The following TTC23L variants were observed in gnomAD, a reference collection of about 807,000 sequenced individuals.
TTC23L encodes the protein tetratricopeptide repeat domain 23 like.
In TTC23L, 42 loss-of-function variants were observed where a neutral mutation model predicts 48.1. That is an observed-to-expected ratio of 0.87 (90% CI 0.68 to 1.13). The LOEUF is 1.13. Ranked by LOEUF, TTC23L falls within the 50% of genes most tolerant of loss-of-function variation. The pLI is 0.00. For missense variants in TTC23L, 391 were observed against 421.0 expected (o/e 0.93, Z 0.62); for synonymous variants, 159 against 157.2 (o/e 1.01, Z -0.09).
intron 8 of TTC23L, among the ~76,000 whole-genome samples, chr5:34,876,844 G>T (rs1172872899): frequency 1.3e-5 from 2 of 152,004 alleles, no homozygotes; most frequent in South Asian, 2.1e-4. Context: ...GTCGGGGGCT[G>T]GGGGGCTGGG....
At chr5:34,895,141 C>T (rs1007051470) in intron 9 of TTC23L, among the ~76,000 whole-genome samples, 1 of 152,170 alleles carries the variant, frequency 6.6e-6, no homozygotes, top group Admixed American at 6.5e-5. Flanking sequence ...CCCCTTCCTT[C>T]CATTACTGGA....
At chr5:34,911,617 G>A in the TTC23L span, 1 of 1,614,100 alleles carries the variant, frequency 6.2e-7, no homozygotes, top group Non-Finnish European at 8.5e-7. Context: ...ATCCAATTCA[G>A]AAAATGCTTC....
chr5:34,859,273 C>G (rs1449626272), intron 4 of TTC23L, among the ~76,000 whole-genome samples: 1 of 152,188 alleles, frequency 6.6e-6, no homozygotes, highest in East Asian at 1.9e-4. Context: ...GATCAAAACA[C>G]TTTCTCAGTT....
At chr5:34,885,581 CAATAAATA>C (rs762377103) in intron 9 of TTC23L, among the ~76,000 whole-genome samples, 2 of 151,770 alleles carry the variant, frequency 1.3e-5, no homozygotes, top group Non-Finnish European at 2.9e-5. Flanking sequence ...CCCATTTCTA[CAATAAATA>C]AATAAATAAA....
At chr5:34,867,615 G>A (rs180680588) in intron 7 of TTC23L, 1 of 157,134 alleles carries the variant, frequency 6.4e-6, no homozygotes, top group African/African-American at 2.4e-5. Context: ...TATTATATTA[G>A]GGTACTTTTA....
chr5:34,852,365 T>C (rs938760237), intron 4 of TTC23L, among the ~76,000 whole-genome samples: 3 of 152,204 alleles, frequency 2.0e-5, no homozygotes, highest in African/African-American at 4.8e-5. Flanking sequence ...GACAGACAGC[T>C]CATGTTTGGA....
chr5:34,895,334 T>C (rs979636260), intron 9 of TTC23L, among the ~76,000 whole-genome samples: 2 of 152,182 alleles, frequency 1.3e-5, no homozygotes, highest in African/African-American at 4.8e-5. Flanking sequence ...TAATGAAGAG[T>C]AAATGAGATT....
At chr5:34,845,223 T>C (rs1187104538) in intron 2 of TTC23L, among the ~76,000 whole-genome samples, 1 of 152,234 alleles carries the variant, frequency 6.6e-6, no homozygotes, top group Non-Finnish European at 1.5e-5. Context: ...TACAGAGAAG[T>C]AAATTAATAA....
chr5:34,866,919 C>T lies in TTC23L; in HGVS notation c.690C>T (p.Asn230=), dbSNP rs374271442. The T allele has an allele frequency of 3.8e-5, 61 of 1,607,112 alleles. No homozygotes were observed. The East Asian group carries it at 1.1e-3, about 28-fold the overall frequency. ...CCTCCTTGGCCATCCACAGACTGAA[C>T]CTAGCTCTGGCATACTTTGAAAAGG... The change falls in exon 7 of 11, where the codon AAC becomes AAT. Residue 230 remains asparagine (N), a synonymous_variant. Transcript: ENST00000505624.
chr5:34,922,871 G>A, the TTC23L span: 3 of 1,280,752 alleles, frequency 2.3e-6, no homozygotes, highest in African/African-American at 3.0e-5. Context: ...CCCCACCTTG[G>A]TTTTATGGAT....
the TTC23L span, chr5:34,914,726 G>A: frequency 6.2e-7 from 1 of 1,614,102 alleles, no homozygotes; most frequent in Non-Finnish European, 8.5e-7. Flanking sequence ...CACACACTTT[G>A]CATTTTCCAC....
At chr5:34,879,599 T>A (rs912344302) in intron 8 of TTC23L, among the ~76,000 whole-genome samples, 1 of 152,218 alleles carries the variant, frequency 6.6e-6, no homozygotes, top group African/African-American at 2.4e-5. Flanking sequence ...ATTTGTAGTA[T>A]TAGCATAATA....
At chr5:34,923,103 T>C in the TTC23L span, 1 of 1,588,230 alleles carries the variant, frequency 6.3e-7, no homozygotes, top group South Asian at 1.1e-5. Flanking sequence ...TATCTTGGAA[T>C]AAGGAACTAA....
intron 3 of TTC23L, among the ~76,000 whole-genome samples, chr5:34,847,224 A>T (rs1242604503): frequency 6.6e-6 from 1 of 152,172 alleles, no homozygotes; most frequent in Non-Finnish European, 1.5e-5. Context: ...GACCTTGCAA[A>T]GGACAGTCAT....
At chr5:34,852,522 A>G (rs1759759470) in intron 4 of TTC23L, among the ~76,000 whole-genome samples, 1 of 152,184 alleles carries the variant, frequency 6.6e-6, no homozygotes, top group African/African-American at 2.4e-5. Context: ...AAGAAGAGGC[A>G]AAGACCAGTT....
the TTC23L span, chr5:34,925,421 A>G: frequency 1.2e-6 from 2 of 1,613,888 alleles, no homozygotes; most frequent in Non-Finnish European, 1.7e-6. Flanking sequence ...AGTTGATTTG[A>G]AAGCAAGAAA....
At chr5:34,878,049 T>A (rs1761980963) in intron 8 of TTC23L, among the ~76,000 whole-genome samples, 2 of 152,134 alleles carry the variant, frequency 1.3e-5, no homozygotes, top group South Asian at 4.1e-4. Context: ...ATAAGTAAAA[T>A]TTAAAATTTA....
the TTC23L span, chr5:34,924,724 A>AC: frequency 3.1e-5 from 18 of 588,520 alleles, 1 homozygote; most frequent in Admixed American, 8.6e-5. Context: ...ACCAAGTTTC[A>AC]CCCCCACCTT....
downstream of TTC23L, among the ~76,000 whole-genome samples, chr5:34,903,825 G>C (rs1420948235): frequency 2.0e-5 from 3 of 151,876 alleles, no homozygotes; most frequent in Non-Finnish European, 4.4e-5. Flanking sequence ...CAATTCTTCT[G>C]AATTAGCTAA....
Sources: gnomAD v4.1 joint callset for allele counts (sites outside exome capture counted in the v4.1 genomes callset) on GRCh38, gnomAD v4.1.1 for gene constraint, MANE v1.5 for transcripts, NCBI Gene and HGNC (gene_info 2026-07-23, HGNC 2026-07-21) for gene names.